Variants in ST8SIA6 observed in about 807,000 individuals in gnomAD.
The protein encoded by ST8SIA6 is alpha-2,8-sialyltransferase 8F.
ST8SIA6 carries 39 observed loss-of-function variants against 33.6 expected under a neutral mutation model. That is an observed-to-expected ratio of 1.16 (90% CI 0.90 to 1.52). ST8SIA6 has a LOEUF of 1.52. Among genes scored for constraint, ST8SIA6 ranks in the 40% most tolerant of loss-of-function variants. The pLI, the probability that ST8SIA6 is intolerant of heterozygous loss-of-function variation, is 0.00. For missense variants in ST8SIA6, 441 were observed against 443.8 expected (o/e 0.99, Z 0.06); for synonymous variants, 172 against 167.2 (o/e 1.03, Z -0.22).
chr10:17,328,469 C>A (rs780767871), intron 5 of ST8SIA6, among the ~76,000 whole-genome samples: 10 of 152,198 alleles, frequency 6.6e-5, no homozygotes, highest in Non-Finnish European at 2.9e-5. Context: ...TTCCTTCCCT[C>A]TCCTGGTCAC....
intron 4 of ST8SIA6, among the ~76,000 whole-genome samples, chr10:17,335,404 A>G (rs186600563): frequency 2.1e-4 from 32 of 152,232 alleles, no homozygotes; most frequent in Non-Finnish European, 3.7e-4. Flanking sequence ...CAAAAATACA[A>G]CGATCTAATT....
At chr10:17,333,688 TATATATATATATATATATATATA>T (rs1184420505) in intron 4 of ST8SIA6, among the ~76,000 whole-genome samples, 515 of 21,302 alleles carry the variant, frequency 0.024, 45 homozygotes, top group African/African-American at 0.062. Flanking sequence ...TATATATATA[TATATATATATATATATATATATA>T]TATATATTTT....
In ST8SIA6 at chr10:17,395,552, T is replaced by A. The variant is rs11254574; in HGVS notation, c.201-4932A>T. On this transcript the variant is annotated intron_variant, in intron 2 of 7. Coordinates refer to ENST00000377602, the MANE Select transcript of ST8SIA6 (RefSeq NM_001004470.3). ...TGTGAATTCTGAGACAAAAAAAAAA[T>A]TTTTTTAATTTTATTCTAATTTTCT... Among the ~76,000 whole-genome samples the A allele has an allele frequency of 8.1e-3, 1,237 of 151,808 alleles. 18 individuals carry two copies. The highest frequency in any genetic ancestry group is 0.028 in the African/African-American group (1,147 of 41,392).
chr10:17,389,514 ACAAT>A (rs1246698771), intron 3 of ST8SIA6, among the ~76,000 whole-genome samples: 1 of 152,136 alleles, frequency 6.6e-6, no homozygotes, highest in Non-Finnish European at 1.5e-5. Context: ...CCTTCTAGGA[ACAAT>A]CAGAGTCTCA....
chr10:17,336,044 C>A (rs1014880921), intron 4 of ST8SIA6, among the ~76,000 whole-genome samples: 1 of 151,738 alleles, frequency 6.6e-6, no homozygotes, highest in Non-Finnish European at 1.5e-5. Context: ...CAACCTCCAT[C>A]TCCTGGGTTC....
intron 3 of ST8SIA6, among the ~76,000 whole-genome samples, chr10:17,371,184 C>G (rs553123274): frequency 1.3e-5 from 2 of 152,288 alleles, no homozygotes; most frequent in East Asian, 3.9e-4. Flanking sequence ...ACGTCATTAA[C>G]TGATACAGGG....
chr10:17,397,264 A>ACC (rs1850846411), intron 2 of ST8SIA6, among the ~76,000 whole-genome samples: 1 of 113,526 alleles, frequency 8.8e-6, no homozygotes, highest in East Asian at 2.7e-4. Flanking sequence ...ACGAAGTCTC[A>ACC]CTCTTGTCCC....
chr10:17,421,245 C>T (rs915906689), intron 2 of ST8SIA6, among the ~76,000 whole-genome samples: 1 of 152,204 alleles, frequency 6.6e-6, no homozygotes, highest in African/African-American at 2.4e-5. Flanking sequence ...GTGGAACTGG[C>T]TGAGTCCTCT....
chr10:17,369,076 T>G (rs1394792696), intron 3 of ST8SIA6, among the ~76,000 whole-genome samples: 1 of 152,194 alleles, frequency 6.6e-6, no homozygotes, highest in African/African-American at 2.4e-5. Flanking sequence ...TTAAAAGTTT[T>G]TAGTAGCTTG....
At chr10:17,382,952 A>G (rs1186172461) in intron 3 of ST8SIA6, among the ~76,000 whole-genome samples, 1 of 152,218 alleles carries the variant, frequency 6.6e-6, no homozygotes, top group Non-Finnish European at 1.5e-5. Context: ...CAACTCCTTA[A>G]TAAAGGTTAT....
rs1300903103 is a variant in ST8SIA6, at chr10:17,331,524, C to T, written c.406G>A (p.Val136Ile). The change falls in exon 5 of 8, where the codon GTT (valine) becomes ATT (isoleucine). Residue 136 changes from valine (V) to isoleucine (I), a missense_variant. Coordinates refer to ENST00000377602, the MANE Select transcript of ST8SIA6 (RefSeq NM_001004470.3). Reference sequence around the variant, plus strand: ...TTCTGAGAAACAACAAAGTTTTGAACAGCATCACAGCAGGAAGCAAGTTTG... The same window carrying T: ...TTCTGAGAAACAACAAAGTTTTGAATAGCATCACAGCAGGAAGCAAGTTTG... ...RAKLASCCDA[V>I]QNFVVSQNNT... 1 of 1,611,652 alleles carries T rather than the reference C, an allele frequency of 6.2e-7. No homozygotes were observed.
At chr10:17,352,633 G>A (rs11254544) in intron 4 of ST8SIA6, among the ~76,000 whole-genome samples, 26,800 of 152,086 alleles carry the variant, frequency 0.18, 2,702 homozygotes, top group East Asian at 0.49. Context: ...GATAAATTTT[G>A]AAGTAGAATT....
intron 4 of ST8SIA6, among the ~76,000 whole-genome samples, chr10:17,341,914 A>AAC (rs1848689434): frequency 1.3e-5 from 2 of 150,740 alleles, no homozygotes; most frequent in African/African-American, 4.9e-5. Flanking sequence ...AAAAAAAAAA[A>AAC]AAAAAAACAA....
At chr10:17,390,454 T>G in intron 3 of ST8SIA6, 77 bp downstream of exon 3, 1 of 1,265,582 alleles carries the variant, frequency 7.9e-7, no homozygotes, top group Non-Finnish European at 1.1e-6. Flanking sequence ...TCCAAATGAC[T>G]TCAGAGACAC....
In ST8SIA6 at chr10:17,345,379, T is replaced by C. The variant is rs141580832; in HGVS notation, c.378-13827A>G. ...CCACAATCATGCAAGCCCAAGGAAC[T>C]GGGCCAGGCATGGCGTCAAGAGCAC... is the stretch of plus-strand genomic sequence containing the variant. On this transcript the variant is annotated intron_variant, in intron 4 of 7. Transcript: ENST00000377602. Among the ~76,000 whole-genome samples, 537 of 152,308 alleles carry C rather than the reference T, an allele frequency of 3.5e-3. 4 individuals carry two copies. Among genetic ancestry groups the C allele is most frequent in the African/African-American group, 0.012 (513 of 41,574 alleles).
intron 2 of ST8SIA6, among the ~76,000 whole-genome samples, chr10:17,451,748 A>G (rs1236172631): frequency 6.6e-6 from 1 of 152,214 alleles, no homozygotes; most frequent in Non-Finnish European, 1.5e-5. Flanking sequence ...ACAACCAAGT[A>G]GTATGGTGGA....
chr10:17,333,405 T>C (rs1848362574), intron 4 of ST8SIA6, among the ~76,000 whole-genome samples: 1 of 151,824 alleles, frequency 6.6e-6, no homozygotes, highest in Admixed American at 6.6e-5. Flanking sequence ...AAATTTCATA[T>C]GGAACCAGAA....
intron 2 of ST8SIA6, among the ~76,000 whole-genome samples, chr10:17,412,552 G>A (rs532818065): frequency 9.2e-5 from 14 of 152,242 alleles, no homozygotes; most frequent in African/African-American, 3.1e-4. Flanking sequence ...GCCCTCTAAA[G>A]GTCAATGCAT....
chr10:17,418,884 T>C (rs11254584), intron 2 of ST8SIA6, among the ~76,000 whole-genome samples: 67,909 of 149,440 alleles, frequency 0.45, 16,260 homozygotes, highest in East Asian at 0.68. Flanking sequence ...TTCCAGCTAC[T>C]GGGGAGGCTG....
Sources: gnomAD v4.1 joint callset for allele counts (sites outside exome capture counted in the v4.1 genomes callset) on GRCh38, gnomAD v4.1.1 for gene constraint, MANE v1.5 for transcripts, NCBI Gene and HGNC (gene_info 2026-07-23, HGNC 2026-07-21) for gene names.